The following PALM2AKAP2 variants were observed in gnomAD, a reference collection of about 807,000 sequenced individuals.
The protein encoded by PALM2AKAP2 is PALM2 and AKAP2 fusion.
In PALM2AKAP2, 37 loss-of-function variants were observed where a neutral mutation model predicts 71.5. The observed-to-expected ratio is 0.52, with a 90% CI of 0.40 to 0.68. The LOEUF is 0.68. PALM2AKAP2 is among the 30% of genes least tolerant of loss of function. The probability of loss-of-function intolerance (pLI) is 0.00; values close to 1 mark genes in which losing one functional copy is unlikely to be tolerated. For synonymous variants in PALM2AKAP2, 468 were observed against 478.8 expected, an observed-to-expected ratio of 0.98 and a Z score of 0.29; for missense variants, 1,224 against 1,191.8, an observed-to-expected ratio of 1.03 and a Z score of -0.40.
intron 1 of PALM2AKAP2, among the ~76,000 whole-genome samples, chr9:110,073,716 G>A (rs1349530630): frequency 6.6e-6 from 1 of 152,056 alleles, no homozygotes; most frequent in African/African-American, 2.4e-5. Context: ...CTACATTATG[G>A]GATTTCCCTC....
At chr9:110,046,060 C>CA (rs768083110), upstream of PALM2AKAP2, among the ~76,000 whole-genome samples, 20 of 152,136 alleles carry the variant, frequency 1.3e-4, no homozygotes, top group Non-Finnish European at 2.6e-4. Context: ...TAGACATTGC[C>CA]AAAATGTCCC....
At chr9:109,875,858 C>T (rs1213910731) in intron 2 of PALM2AKAP2, among the ~76,000 whole-genome samples, 1 of 152,206 alleles carries the variant, frequency 6.6e-6, no homozygotes, top group Non-Finnish European at 1.5e-5. Context: ...AACAGATTTA[C>T]TTTGGGAGTT....
chr9:109,962,876 TC>T (rs1831878737), intron 6 of PALM2AKAP2, among the ~76,000 whole-genome samples: 1 of 152,224 alleles, frequency 6.6e-6, no homozygotes, highest in Admixed American at 6.5e-5. Context: ...ACTCCTGACC[TC>T]AGGTGATGCA....
chr9:109,858,074 G>A (rs879544470), intron 1 of PALM2AKAP2, among the ~76,000 whole-genome samples: 2 of 152,204 alleles, frequency 1.3e-5, no homozygotes, highest in Non-Finnish European at 2.9e-5. Context: ...CAGGTGATGT[G>A]TTAGTTCCAT....
At chr9:110,107,344 T>C (rs1835142552) in intron 1 of PALM2AKAP2, among the ~76,000 whole-genome samples, 1 of 152,198 alleles carries the variant, frequency 6.6e-6, no homozygotes, top group Admixed American at 6.5e-5. Context: ...AACATCACTA[T>C]GTACCCCATA....
chr9:109,666,450 GGGTATA>G (rs1304853976), intron 1 of PALM2AKAP2, among the ~76,000 whole-genome samples: 4 of 152,192 alleles, frequency 2.6e-5, no homozygotes, highest in Non-Finnish European at 5.9e-5. Flanking sequence ...GGTATAGGAA[GGGTATA>G]GGCCCAGGTG....
upstream of PALM2AKAP2, among the ~76,000 whole-genome samples, chr9:109,776,111 A>AT (rs550118340): frequency 9.2e-5 from 14 of 152,254 alleles, no homozygotes; most frequent in East Asian, 1.3e-3. Context: ...CTAGACTACG[A>AT]TTTTTTTTCT....
At chr9:110,131,182 A>C (rs768030010) in intron 1 of PALM2AKAP2, among the ~76,000 whole-genome samples, 6 of 145,986 alleles carry the variant, frequency 4.1e-5, no homozygotes, top group Non-Finnish European at 6.0e-5. Context: ...AGTAAATGGT[A>C]GGCATCCTAA....
rs530096864 is a variant in PALM2AKAP2, at chr9:109,838,826, C to T, written c.46-28665C>T. 2.6e-5 allele frequency among the ~76,000 whole-genome samples: 4 copies of T among 152,210 alleles called. No individual in the cohort carries two copies. The South Asian group carries it at 8.3e-4, about 32-fold the overall frequency. On this transcript the variant is annotated intron_variant, in intron 1 of 9. Coordinates refer to the PALM2AKAP2 transcript ENST00000302798. ...CATACACCCTTGCAAGACACATACA[C>T]CCTTCCAGGAAGAAGTTGAATCCCT...
At chr9:109,823,462 T>C (rs1031378469) in intron 1 of PALM2AKAP2, among the ~76,000 whole-genome samples, 1 of 152,224 alleles carries the variant, frequency 6.6e-6, no homozygotes, top group African/African-American at 2.4e-5. Flanking sequence ...CTTTATTTTC[T>C]GTATAAACTG....
At chr9:110,080,789 C>T (rs191785279) in intron 1 of PALM2AKAP2, among the ~76,000 whole-genome samples, 8 of 152,286 alleles carry the variant, frequency 5.3e-5, no homozygotes, top group African/African-American at 1.9e-4. Context: ...AGCGATTCTC[C>T]TGCCTCAGCC....
intron 1 of PALM2AKAP2, among the ~76,000 whole-genome samples, chr9:109,771,174 T>C (rs1829255583): frequency 6.6e-6 from 1 of 152,156 alleles, no homozygotes; most frequent in Non-Finnish European, 1.5e-5. Flanking sequence ...GAGTGGCAAG[T>C]TGAGCATTCA....
At chr9:109,863,128 G>A (rs1273163954) in intron 1 of PALM2AKAP2, among the ~76,000 whole-genome samples, 1 of 152,190 alleles carries the variant, frequency 6.6e-6, no homozygotes, top group Non-Finnish European at 1.5e-5. Context: ...GAGAAGCCAA[G>A]AATGGATGCA....
At chr9:109,838,439 T>C (rs1219304486) in intron 1 of PALM2AKAP2, among the ~76,000 whole-genome samples, 10 of 152,128 alleles carry the variant, frequency 6.6e-5, no homozygotes, top group Non-Finnish European at 1.5e-4. Context: ...AGATCTCAAA[T>C]TGACACCCTA....
At chr9:110,117,675 A>T (rs1005066110) in intron 1 of PALM2AKAP2, among the ~76,000 whole-genome samples, 1 of 152,124 alleles carries the variant, frequency 6.6e-6, no homozygotes, top group Non-Finnish European at 1.5e-5. Flanking sequence ...CCTGTGAGAG[A>T]CAAGAGAGAG....
chr9:109,870,175 CCTCT>C (rs1339277571), intron 2 of PALM2AKAP2, among the ~76,000 whole-genome samples: 6 of 152,068 alleles, frequency 3.9e-5, no homozygotes, highest in Non-Finnish European at 8.8e-5. Flanking sequence ...CAGGACCTTG[CCTCT>C]CTTTGTTCTG....
chr9:109,828,205 A>G lies in PALM2AKAP2; in HGVS notation c.46-39286A>G, dbSNP rs1312141459. On this transcript the variant is annotated intron_variant, in intron 1 of 9. Transcript: ENST00000302798. ...CAGAAGTGGTGTCCTTCTTTCAGGC[A>G]TCTAGGTTTGTTTCTTTGGGGTGTG... Among the ~76,000 whole-genome samples, 2 of 152,072 alleles carry G rather than the reference A, an allele frequency of 1.3e-5. 1 individual carries two copies. The highest frequency in any genetic ancestry group is 4.2e-4 in the South Asian group (2 of 4,814).
intron 3 of PALM2AKAP2, among the ~76,000 whole-genome samples, chr9:109,907,791 G>A (rs1588000036): frequency 2.0e-5 from 3 of 152,290 alleles, no homozygotes; most frequent in African/African-American, 7.2e-5. Context: ...GGAAAACACA[G>A]TTAGCAAAAA....
At position 109,938,160 on chromosome 9, in the gene PALM2AKAP2, A is replaced by G. The variant is rs146776557; in HGVS notation, c.496+6132A>G. On this transcript the variant is annotated intron_variant, in intron 6 of 9. Transcript: ENST00000302798. ...CTTATGTTCCTATTGGTTCATATGC[A>G]CTCTAGTTCATGCTTTTGTATATTA... Among the ~76,000 whole-genome samples the G allele has an allele frequency of 1.8e-3, 278 of 152,274 alleles. 1 individual carries two copies. Among genetic ancestry groups the G allele is most frequent in the African/African-American group, 6.0e-3 (248 of 41,540 alleles).
Sources: gnomAD v4.1 joint callset for allele counts (sites outside exome capture counted in the v4.1 genomes callset) on GRCh38, gnomAD v4.1.1 for gene constraint, MANE v1.5 for transcripts, NCBI Gene and HGNC (gene_info 2026-07-23, HGNC 2026-07-21) for gene names.